The following NCAPD3 variants were observed in gnomAD, a reference collection of about 807,000 sequenced individuals.
The protein encoded by NCAPD3 is non-SMC condensin II complex subunit D3, also known as condensin-2 complex subunit D3.
NCAPD3 carries 105 observed loss-of-function variants against 182.9 expected under a neutral mutation model. That is an observed-to-expected ratio of 0.57 (90% CI 0.49 to 0.68). The LOEUF (loss-of-function observed/expected upper bound fraction) is 0.68, where lower values mean the gene tolerates loss of function less well. NCAPD3 is among the 30% of genes least tolerant of loss of function. NCAPD3 has a pLI of 0.00. For synonymous variants in NCAPD3, 815 were observed against 679.9 expected (o/e 1.20, Z -3.09); for missense variants, 1,944 against 1,837.0 (o/e 1.06, Z -1.07).
rs184819248 is a variant in NCAPD3, at chr11:134,152,328, T to C, written c.*616A>G. The C allele has an allele frequency of 1.4e-4, 21 of 152,364 alleles. No homozygotes were observed. Among genetic ancestry groups the C allele is most frequent in the African/African-American group, 4.8e-4 (20 of 41,594 alleles). 9.4% of individuals were successfully genotyped at this position (152,364 alleles called of 1,614,324 possible). On this transcript the variant is annotated 3_prime_UTR_variant, in exon 35 of 35. Transcript: ENST00000534548. ...TTCAAGACAATCATCTTTTTTCTAA[T>C]AGGGAAGATTTGGTTTCATTCCTCT...
chr11:134,179,359 C>CGTAA (rs918683112), intron 20 of NCAPD3, among the ~76,000 whole-genome samples: 4 of 152,120 alleles, frequency 2.6e-5, no homozygotes, highest in African/African-American at 9.7e-5. Flanking sequence ...TATACACTTA[C>CGTAA]CAAGTATAGT....
chr11:134,167,664 T>A (rs1943887054), intron 27 of NCAPD3, among the ~76,000 whole-genome samples: 2 of 111,170 alleles, frequency 1.8e-5, no homozygotes, highest in South Asian at 6.7e-4. Context: ...AGCAGCACAC[T>A]CACTTGTGAG....
chr11:134,181,562 T>C (rs1944297739), intron 19 of NCAPD3, among the ~76,000 whole-genome samples: 1 of 152,186 alleles, frequency 6.6e-6, no homozygotes, highest in Non-Finnish European at 1.5e-5. Flanking sequence ...GATGATGAAT[T>C]AACTACTGTG....
At chr11:134,155,428 G>A (rs558026385) in intron 32 of NCAPD3, among the ~76,000 whole-genome samples, 5 of 152,296 alleles carry the variant, frequency 3.3e-5, no homozygotes, top group African/African-American at 1.2e-4. Context: ...TCAGTATAAA[G>A]AGAGACGGAC....
Position 134,220,582 on chromosome 11 carries a change from C to G in NCAPD3, c.209G>C (p.Gly70Ala), listed in dbSNP as rs377418096. ...TTTTTATATTTTTACCTCCATAGATCCATGTTCTCCAGTAGCAAAGGGTAA... is the reference window on the plus strand; with the variant it reads ...TTTTTATATTTTTACCTCCATAGATGCATGTTCTCCAGTAGCAAAGGGTAA... Reference protein sequence around the residue: ...SLLPFATGEHGSMESIWTFFI... With the variant: ...SLLPFATGEHASMESIWTFFI... The change falls in exon 2 of 35, where the codon GGA becomes GCA. Residue 70 changes from glycine to alanine, a missense_variant. This residue lies in a region of NCAPD3 where 131 missense variants were observed against 133.9 expected (regional missense o/e 0.98). Coordinates refer to ENST00000534548, the MANE Select transcript of NCAPD3 (RefSeq NM_015261.3). 1 of 1,612,798 alleles carries G rather than the reference C, an allele frequency of 6.2e-7. No individual in the cohort carries two copies.
Position 134,158,335 on chromosome 11 carries a change from T to C in NCAPD3, c.4028A>G (p.Lys1343Arg), listed in dbSNP as rs1194274446. Reference protein sequence around the residue: ...ETGPLQRLLPKARPMSLSTIA... With the variant: ...ETGPLQRLLPRARPMSLSTIA... The stretch of plus-strand genomic sequence containing the variant: ...GCCTCCAGGGGCTCTTTACCTGGCT[T>C]TGGGCAGCAACCTCTGCAATGGCCC... Residue 1343 changes from lysine to arginine, a missense_variant, in exon 30 of 35, where the codon AAA (lysine) becomes AGA (arginine). Lys to Arg is a conservative substitution (Grantham distance 26). Coordinates refer to ENST00000534548, the MANE Select transcript of NCAPD3 (RefSeq NM_015261.3). 1 of 1,613,916 alleles carries C rather than the reference T, an allele frequency of 6.2e-7. No individual in the cohort carries two copies. Among genetic ancestry groups the C allele is most frequent in the African/African-American group, 1.3e-5 (1 of 74,892 alleles).
intron 1 of NCAPD3, chr11:134,223,188 C>T: frequency 1.8e-6 from 1 of 545,294 alleles, no homozygotes; most frequent in Non-Finnish European, 3.3e-6. Context: ...GCTGTGTTTT[C>T]AAAAGTCGTT....
Position 134,200,640 on chromosome 11 carries a change from G to A in NCAPD3, c.1615+2176C>T, listed in dbSNP as rs114461135. 4.2e-3 allele frequency among the ~76,000 whole-genome samples: 637 copies of A among 152,246 alleles called. 4 individuals carry two copies. The highest frequency in any genetic ancestry group is 0.015 in the African/African-American group (610 of 41,538). On this transcript the variant is annotated intron_variant, in intron 13 of 34. Coordinates refer to ENST00000534548, the MANE Select transcript of NCAPD3 (RefSeq NM_015261.3). Reference sequence around the variant, plus strand: ...TACGTTGCTAGCAGGATTGTAAAATGGTGTGGCCACTTTGAAAAAGTGTGG... The same window carrying A: ...TACGTTGCTAGCAGGATTGTAAAATAGTGTGGCCACTTTGAAAAAGTGTGG...
chr11:134,164,129 C>A (rs1391984196), intron 27 of NCAPD3, among the ~76,000 whole-genome samples: 2 of 152,118 alleles, frequency 1.3e-5, no homozygotes, highest in African/African-American at 4.8e-5. Context: ...TACACATTGG[C>A]AATCCAGGCT....
chr11:134,185,217 G>A, intron 17 of NCAPD3, 118 bp downstream of exon 17: 1 of 1,005,224 alleles, frequency 9.9e-7, no homozygotes, highest in Non-Finnish European at 1.4e-6. Context: ...TTTATACCAG[G>A]TTTTAAACAG....
At chr11:134,154,864 G>A (rs552655583) in intron 32 of NCAPD3, among the ~76,000 whole-genome samples, 21 of 152,332 alleles carry the variant, frequency 1.4e-4, no homozygotes, top group African/African-American at 4.6e-4. Flanking sequence ...GGCTACTTGA[G>A]TGTCACTAAT....
chr11:134,161,804 G>A lies in NCAPD3; in HGVS notation c.3661C>T (p.Arg1221Trp), dbSNP rs754863590. 18 of 1,581,034 alleles carry A rather than the reference G, an allele frequency of 1.1e-5. No homozygotes were observed. Among genetic ancestry groups the A allele is most frequent in the African/African-American group, 1.4e-5 (1 of 73,984 alleles). Residue 1221 changes from arginine to tryptophan, a missense_variant, in exon 28 of 35, where the codon CGG becomes TGG. Around this residue, in one of 3 missense-constraint regions of NCAPD3, gnomAD observed 1,803 missense variants for 1,674.6 expected, o/e 1.08. Transcript: ENST00000534548. ...ACCCTGAGATAGTGCATGAGTTCCC[G>A]CAAAGCTGGGATCTTATTTTTCTCC... ...VLEKNKIPAL[R>W]ELMHYLREVM...
At chr11:134,176,139 G>C (rs1228660227) in intron 24 of NCAPD3, among the ~76,000 whole-genome samples, 168 bp downstream of exon 24, 1 of 151,948 alleles carries the variant, frequency 6.6e-6, no homozygotes, top group African/African-American at 2.4e-5. Flanking sequence ...GCAAAACAAA[G>C]GTTTGTTATA....
At position 134,192,681 on chromosome 11, in the gene NCAPD3, T is replaced by G; in HGVS notation, c.2045+8A>C. ...CTATAGGGAACACAGGTCATACAGT[T>G]AACCTACCTCAGTTCCTGGCTTTCG... On this transcript the variant is annotated splice_region_variant and intron_variant, in intron 16 of 34. Transcript: ENST00000534548. 6.2e-7 allele frequency: 1 copy of G among 1,610,432 alleles called. No homozygotes were observed. The highest frequency in any genetic ancestry group is 8.5e-7 in the Non-Finnish European group (1 of 1,176,696).
At chr11:134,171,751 C>T (rs1276294028) in intron 24 of NCAPD3, among the ~76,000 whole-genome samples, 1 of 152,120 alleles carries the variant, frequency 6.6e-6, no homozygotes, top group African/African-American at 2.4e-5. Flanking sequence ...GTGAATCAGG[C>T]CCTACCCTCC....
intron 19 of NCAPD3, among the ~76,000 whole-genome samples, chr11:134,182,838 G>T (rs890522735): frequency 6.6e-6 from 1 of 152,262 alleles, no homozygotes; most frequent in African/African-American, 2.4e-5. Flanking sequence ...GGAGAAGCGT[G>T]TTTAGGGGAA....
chr11:134,177,405 C>A lies in NCAPD3; in HGVS notation c.2835G>T (p.Leu945=), dbSNP rs1381882107. The change falls in exon 23 of 35, where the codon CTG becomes CTT. Residue 945 remains leucine, a synonymous_variant. Transcript: ENST00000534548. ...CCTCACACACCTCGAGCTCTCGCACCAGGGCTGGGATGCTCTTCTTTGCCA... is the reference window on the plus strand; with the variant it reads ...CCTCACACACCTCGAGCTCTCGCACAAGGGCTGGGATGCTCTTCTTTGCCA... The part of the protein sequence containing the change: ...EDLAKKSIPA[L]VRELEVCEDV... 1 of 1,614,244 alleles carries A rather than the reference C, an allele frequency of 6.2e-7. No individual in the cohort carries two copies. Among genetic ancestry groups the A allele is most frequent in the South Asian group, 1.1e-5 (1 of 91,088 alleles).
At chr11:134,218,115 G>C (rs868137524) in intron 2 of NCAPD3, among the ~76,000 whole-genome samples, 6 of 110,872 alleles carry the variant, frequency 5.4e-5, no homozygotes, top group South Asian at 4.2e-4. Flanking sequence ...AAAAAAGGGG[G>C]GGGGGGGAAG....
intron 18 of NCAPD3, 58 bp from the exon 19 acceptor site, chr11:134,184,810 T>C (rs3222817): frequency 0.069 from 68,756 of 1,000,806 alleles, 1,769 homozygotes; most frequent in Middle Eastern, 0.12. Context: ...CAGGTATATA[T>C]ACACACACAC....
Sources: gnomAD v4.1 joint callset for allele counts (sites outside exome capture counted in the v4.1 genomes callset) on GRCh38, gnomAD v4.1.1 for gene constraint, gnomAD v4.1.1 regional missense constraint, MANE v1.5 for transcripts, NCBI Gene and HGNC (gene_info 2026-07-23, HGNC 2026-07-21) for gene names.